TARS2: variants seen among roughly 807,000 people sequenced by gnomAD.
TARS2 encodes the protein threonine--tRNA ligase, mitochondrial.
A neutral mutation model predicts 94.4 loss-of-function variants in TARS2; 61 were observed. That is an observed-to-expected ratio of 0.65 (90% CI 0.53 to 0.80). The LOEUF is 0.80. Ranked by LOEUF, TARS2 falls within the 30% of genes least tolerant of loss-of-function variation. TARS2 has a pLI of 0.00. For synonymous variants in TARS2, 359 were observed against 353.4 expected (o/e 1.02, Z -0.18); for missense variants, 704 against 902.5 (o/e 0.78, Z 2.82).
At position 150,507,205 on chromosome 1, in the gene TARS2, C is replaced by T. The variant is rs1282151502; in HGVS notation, c.*141C>T. 1 of 1,208,316 alleles carries T rather than the reference C, an allele frequency of 8.3e-7. No homozygotes were observed. The highest frequency in any genetic ancestry group is 1.5e-5 in the African/African-American group (1 of 65,418). 74.8% of individuals were successfully genotyped at this position (1,208,316 alleles called of 1,614,324 possible). On this transcript the variant is annotated 3_prime_UTR_variant, in exon 18 of 18. Coordinates refer to ENST00000369064, the MANE Select transcript of TARS2 (RefSeq NM_025150.5). Reference sequence around the variant, plus strand: ...ACATGTCTGCTCTCCTGAAAAGAGACTTGGTTTGGGGACCCCACAAAAGGA... The same window carrying T: ...ACATGTCTGCTCTCCTGAAAAGAGATTTGGTTTGGGGACCCCACAAAAGGA...
Position 150,497,731 on chromosome 1 carries a change from A to T in TARS2, c.1222A>T (p.Asn408Tyr). The T allele has an allele frequency of 6.2e-7, 1 of 1,614,026 alleles. No individual in the cohort carries two copies. Among genetic ancestry groups the T allele is most frequent in the Non-Finnish European group, 8.5e-7 (1 of 1,180,000 alleles). The change falls in exon 10 of 18, where the codon AAC becomes TAC. Residue 408 changes from asparagine to tyrosine, a missense_variant. Physicochemically the swap from Asn to Tyr is moderately radical, Grantham distance 143 (BLOSUM62 -2). Around this residue, in one of 3 missense-constraint regions of TARS2, gnomAD observed 466 missense variants for 609.5 expected, o/e 0.76. Coordinates refer to ENST00000369064, the MANE Select transcript of TARS2 (RefSeq NM_025150.5). ...ITDTLALKPM[N>Y]CPAHCLMFAH... ...AGATACACTCGCCCTCAAGCCTATGAACTGCCCTGCACACTGGTAAGCTGG... is the reference window on the plus strand; with the variant it reads ...AGATACACTCGCCCTCAAGCCTATGTACTGCCCTGCACACTGGTAAGCTGG...
chr1:150,496,370 T>C (rs1669662692), intron 7 of TARS2, 112 bp from the exon 8 acceptor site: 4 of 1,290,808 alleles, frequency 3.1e-6, no homozygotes. Flanking sequence ...GGTGGGATTG[T>C]TGTCAAGAGG....
At chr1:150,487,547 G>A (rs1350028169) in intron 1 of TARS2, 31 bp downstream of exon 1, 2 of 1,613,976 alleles carry the variant, frequency 1.2e-6, no homozygotes, top group Admixed American at 1.7e-5. Context: ...GCTCCGATCC[G>A]CATCAGACTT....
chr1:150,498,880 T>G lies in TARS2; in HGVS notation c.1402-17T>G. The G allele has an allele frequency of 6.2e-7, 1 of 1,614,170 alleles. No individual in the cohort carries two copies. The highest frequency in any genetic ancestry group is 1.1e-5 in the South Asian group (1 of 91,082). ...TAGCGGGCTCACAGCTCACTGACCC[T>G]TATTTCCTGCCCCTAGCTGGAAGCA... On this transcript the variant is annotated splice_polypyrimidine_tract_variant and intron_variant, in intron 11 of 17. Transcript: ENST00000369064.
Position 150,490,818 on chromosome 1 carries a change from C to T in TARS2, c.512+93C>T, listed in dbSNP as rs938042924. 2.5e-6 allele frequency: 4 copies of T among 1,569,968 alleles called. No individual in the cohort carries two copies. The African/African-American group carries it at 5.5e-5, about 22-fold the overall frequency. ...GGCATGCTCCATTTGGATGAGGAAG[C>T]TGGAGGAGAAGGGTTTCTCTAGGTC... On this transcript the variant is annotated intron_variant, in intron 4 of 17. Coordinates refer to ENST00000369064, the MANE Select transcript of TARS2 (RefSeq NM_025150.5).
chr1:150,505,743 C>A (rs1404190492), intron 17 of TARS2, 38 bp downstream of exon 17: 3 of 1,573,184 alleles, frequency 1.9e-6, no homozygotes, highest in African/African-American at 1.4e-5. Flanking sequence ...TCCCACCTGC[C>A]GTCTGCATTC....
chr1:150,498,918 T>A lies in TARS2; in HGVS notation c.1423T>A (p.Cys475Ser). 1 of 1,614,224 alleles carries A rather than the reference T, an allele frequency of 6.2e-7. No homozygotes were observed. Among genetic ancestry groups the A allele is most frequent in the Non-Finnish European group, 8.5e-7 (1 of 1,180,052 alleles). ...CTAGCTGGAAGCAGAGATCCAAAGC[T>A]GTCTTGATTTCCTCCGTTCCGTCTA... ...TDQLEAEIQS[C>S]LDFLRSVYAV... is the part of the protein sequence containing the mutation. The change falls in exon 12 of 18, where the codon TGT becomes AGT. Residue 475 changes from cysteine (C) to serine (S), a missense_variant. By Grantham distance (112) the Cys-to-Ser change is moderately radical (BLOSUM62 -1). Transcript: ENST00000369064.
At chr1:150,505,032 T>G (rs1570871632) in intron 16 of TARS2, 54 bp downstream of exon 16, 5 of 1,582,296 alleles carry the variant, frequency 3.2e-6, no homozygotes, top group Non-Finnish European at 8.7e-7. Flanking sequence ...GAGAGTCTGG[T>G]GCCCTGCAGT....
chr1:150,494,749 A>G (rs1669573697), intron 7 of TARS2, among the ~76,000 whole-genome samples: 1 of 151,816 alleles, frequency 6.6e-6, no homozygotes, highest in Admixed American at 6.6e-5. Flanking sequence ...AAAAATATAC[A>G]TATAGGGGCT....
At chr1:150,500,054 G>A (rs1306672834) in intron 13 of TARS2, among the ~76,000 whole-genome samples, 3 of 151,846 alleles carry the variant, frequency 2.0e-5, no homozygotes, top group African/African-American at 7.3e-5. Flanking sequence ...TTGTGCCTGT[G>A]GTCCCAGCTA....
At chr1:150,487,592 C>G in intron 1 of TARS2, 76 bp downstream of exon 1, 1 of 1,584,984 alleles carries the variant, frequency 6.3e-7, no homozygotes, top group Non-Finnish European at 8.6e-7. Flanking sequence ...TTATGTTAAC[C>G]CAGCCTCACG....
chr1:150,492,309 T>C (rs764645784), intron 6 of TARS2, 102 bp from the exon 7 acceptor site: 2 of 1,247,068 alleles, frequency 1.6e-6, no homozygotes, highest in African/African-American at 3.0e-5. Flanking sequence ...AGTAGGACAG[T>C]TCCTTTCTCT....
Position 150,497,490 on chromosome 1 carries a change from C to T in TARS2, c.1021-40C>T, listed in dbSNP as rs199591537. ...GCTGACACCCTACCTGCTTTCCTTCCAGTTACTCTGACCTTCCATGTCTGT... is the reference window on the plus strand; with the variant it reads ...GCTGACACCCTACCTGCTTTCCTTCTAGTTACTCTGACCTTCCATGTCTGT... On this transcript the variant is annotated intron_variant, in intron 9 of 17. Transcript: ENST00000369064. 206 of 1,596,774 alleles carry T rather than the reference C, an allele frequency of 1.3e-4. 1 individual carries two copies. The highest frequency in any genetic ancestry group is 3.5e-5 in the Non-Finnish European group (41 of 1,166,232).
chr1:150,490,145 GTC>G (rs1435539178), intron 3 of TARS2, among the ~76,000 whole-genome samples: 2 of 114,026 alleles, frequency 1.8e-5, no homozygotes, highest in African/African-American at 7.3e-5. Flanking sequence ...TTGAGATGGA[GTC>G]TCACTCTGTC....
At chr1:150,488,363 T>G (rs1157276608) in intron 2 of TARS2, 7 of 246,970 alleles carry the variant, frequency 2.8e-5, no homozygotes, top group African/African-American at 4.4e-5. Flanking sequence ...TATTAGTTTC[T>G]GCATCAGAGT....
At chr1:150,495,854 C>T (rs1296340356) in intron 7 of TARS2, among the ~76,000 whole-genome samples, 3 of 152,008 alleles carry the variant, frequency 2.0e-5, no homozygotes, top group Admixed American at 6.6e-5. Flanking sequence ...CGAGTAGCTG[C>T]GACTACAGGC....
Position 150,487,988 on chromosome 1 carries a change from C to G in TARS2, c.197C>G (p.Pro66Arg), listed in dbSNP as rs1474732173. ...KEPRTIKISL[P>R]GGQKIDAVAW... ...CCCCGGACTATTAAGATATCACTTC[C>G]TGGAGGCCAGAAAATTGATGCTGTG... Residue 66 changes from proline (P) to arginine (R), a missense_variant, in exon 2 of 18, where the codon CCT (proline) becomes CGT (arginine). By Grantham distance (103) the Pro-to-Arg change is moderately radical. Around this residue, in one of 3 missense-constraint regions of TARS2, gnomAD observed 208 missense variants for 228.5 expected, o/e 0.91. Coordinates refer to ENST00000369064, the MANE Select transcript of TARS2 (RefSeq NM_025150.5). 1 of 1,613,982 alleles carries G rather than the reference C, an allele frequency of 6.2e-7. No homozygotes were observed. The highest frequency in any genetic ancestry group is 8.5e-7 in the Non-Finnish European group (1 of 1,180,012).
At chr1:150,487,537 G>A (rs1570827562) in intron 1 of TARS2, 21 bp downstream of exon 1, 1 of 1,614,214 alleles carries the variant, frequency 6.2e-7, no homozygotes, top group South Asian at 1.1e-5. Flanking sequence ...CACCCCCAAA[G>A]CTCCGATCCG....
At chr1:150,499,061 C>G in intron 12 of TARS2, 27 bp downstream of exon 12, 2 of 1,614,014 alleles carry the variant, frequency 1.2e-6, no homozygotes, top group Non-Finnish European at 8.5e-7. Flanking sequence ...GAAATAGAGG[C>G]AGATAAACCA....
Sources: allele counts gnomAD v4.1 joint callset (sites outside exome capture counted in the v4.1 genomes callset), GRCh38; gene constraint gnomAD v4.1.1; regional missense constraint gnomAD v4.1.1; transcripts MANE v1.5; gene names NCBI Gene and HGNC (gene_info 2026-07-23, HGNC 2026-07-21).